Variants in AHCYL2 observed in about 807,000 individuals in gnomAD.
AHCYL2 encodes the protein adenosylhomocysteinase like 2.
In AHCYL2, 28 loss-of-function variants were observed where a neutral mutation model predicts 81.4. The ratio of observed to expected loss-of-function variants is 0.34; its 90% CI spans 0.25 to 0.47. The LOEUF (loss-of-function observed/expected upper bound fraction) is 0.47. Among genes scored for constraint, AHCYL2 ranks in the 20% least tolerant of loss-of-function variants. The pLI is 1.00. For synonymous variants in AHCYL2, 272 were observed against 290.2 expected (o/e 0.94, Z 0.64); for missense variants, 551 against 785.1 (o/e 0.70, Z 3.56).
chr7:129,380,956 G>A (rs1208676699), intron 2 of AHCYL2, among the ~76,000 whole-genome samples: 1 of 152,144 alleles, frequency 6.6e-6, no homozygotes, highest in Non-Finnish European at 1.5e-5. Context: ...GCCCAGGCTG[G>A]TCTTGAACTT....
intron 11 of AHCYL2, among the ~76,000 whole-genome samples, chr7:129,412,759 G>T (rs2150952013): frequency 6.6e-6 from 1 of 152,264 alleles, no homozygotes; most frequent in Middle Eastern, 3.4e-3. Context: ...TTTCCCTGAT[G>T]ACTAATGATG....
chr7:129,324,809 C>T (rs963555386), intron 1 of AHCYL2, among the ~76,000 whole-genome samples: 3 of 152,224 alleles, frequency 2.0e-5, no homozygotes, highest in African/African-American at 7.2e-5. Context: ...GCCACTGTGC[C>T]CGGCCTGGCT....
At chr7:129,235,478 A>G (rs1360542090) in intron 1 of AHCYL2, among the ~76,000 whole-genome samples, 1 of 152,110 alleles carries the variant, frequency 6.6e-6, no homozygotes. Flanking sequence ...GCTGGAGTGC[A>G]GTGGTACCAT....
intron 1 of AHCYL2, among the ~76,000 whole-genome samples, chr7:129,365,628 G>GTATATATATATATATGTATATA (rs1794083320): frequency 8.0e-6 from 1 of 124,320 alleles, no homozygotes; most frequent in East Asian, 2.5e-4. Flanking sequence ...GGAGGATAGA[G>GTATATATATATATATGTATATA]TATATATATA....
At chr7:129,337,803 G>C (rs777524273) in intron 1 of AHCYL2, among the ~76,000 whole-genome samples, 26 of 152,040 alleles carry the variant, frequency 1.7e-4, no homozygotes, top group Non-Finnish European at 3.1e-4. Flanking sequence ...GAGTGCAATG[G>C]CACAATCCTG....
chr7:129,425,496 C>A (rs1188234050), intron 15 of AHCYL2, among the ~76,000 whole-genome samples: 1 of 152,120 alleles, frequency 6.6e-6, no homozygotes, highest in Admixed American at 6.5e-5. Flanking sequence ...TACTCCAATT[C>A]TAGGCTGCCA....
chr7:129,411,682 C>T (rs950478913), intron 11 of AHCYL2, among the ~76,000 whole-genome samples: 1 of 150,934 alleles, frequency 6.6e-6, no homozygotes, highest in Non-Finnish European at 1.5e-5. Flanking sequence ...TTGCTTGAAC[C>T]TGGAAGGTGG....
At chr7:129,371,007 G>A (rs1024443084) in intron 1 of AHCYL2, among the ~76,000 whole-genome samples, 3 of 152,132 alleles carry the variant, frequency 2.0e-5, no homozygotes, top group East Asian at 3.9e-4. Flanking sequence ...TAGCCACTTA[G>A]CCAAGAAAGC....
chr7:129,410,664 A>G (rs958665213), intron 11 of AHCYL2, among the ~76,000 whole-genome samples: 2 of 152,268 alleles, frequency 1.3e-5, no homozygotes, highest in Non-Finnish European at 2.9e-5. Context: ...CTTCATAGTT[A>G]GAGAAAGTAG....
chr7:129,353,500 A>G (rs187952565), intron 1 of AHCYL2, among the ~76,000 whole-genome samples: 1 of 151,782 alleles, frequency 6.6e-6, no homozygotes, highest in Admixed American at 6.6e-5. Context: ...TTTATACCTT[A>G]TTTAGCCTCT....
At chr7:129,332,477 A>C (rs1428770269) in intron 1 of AHCYL2, among the ~76,000 whole-genome samples, 1 of 152,224 alleles carries the variant, frequency 6.6e-6, no homozygotes, top group Non-Finnish European at 1.5e-5. Context: ...GGCAGATGAA[A>C]TATGTTTAAA....
At chr7:129,310,094 A>G (rs1409532380) in intron 1 of AHCYL2, among the ~76,000 whole-genome samples, 1 of 152,096 alleles carries the variant, frequency 6.6e-6, no homozygotes, top group African/African-American at 2.4e-5. Flanking sequence ...TAAATATATG[A>G]TTCTTGATAC....
intron 1 of AHCYL2, among the ~76,000 whole-genome samples, chr7:129,229,312 C>T (rs1193348357): frequency 6.6e-6 from 1 of 152,194 alleles, no homozygotes; most frequent in African/African-American, 2.4e-5. Context: ...GGTGACCTGC[C>T]TGCCTCGGCC....
At chr7:129,346,380 T>C (rs545115618) in intron 1 of AHCYL2, among the ~76,000 whole-genome samples, 1 of 152,220 alleles carries the variant, frequency 6.6e-6, no homozygotes, top group East Asian at 1.9e-4. Flanking sequence ...AATATTTGCA[T>C]AAGACCTATA....
At chr7:129,279,630 C>T (rs1482059033) in intron 1 of AHCYL2, among the ~76,000 whole-genome samples, 1 of 152,144 alleles carries the variant, frequency 6.6e-6, no homozygotes, top group Non-Finnish European at 1.5e-5. Context: ...AGAATGGCTG[C>T]TTCATAAGCA....
Position 129,225,089 on chromosome 7 carries a change from G to A in AHCYL2, c.13G>A (p.Val5Ile), listed in dbSNP as rs1389700305. 1.9e-6 allele frequency: 3 copies of A among 1,595,806 alleles called. No individual in the cohort carries two copies. Among genetic ancestry groups the A allele is most frequent in the African/African-American group, 1.3e-5 (1 of 74,574 alleles). Residue 5 changes from valine to isoleucine, a missense_variant, in exon 1 of 17, where the codon GTT becomes ATT. Val to Ile is a conservative substitution (Grantham distance 29). This residue lies in a region of AHCYL2 where 235 missense variants were observed against 242.1 expected (regional missense o/e 0.97). Coordinates refer to ENST00000325006, the MANE Select transcript of AHCYL2 (RefSeq NM_015328.4). MSVQ[V>I]VSAAAAAKVP... The stretch of plus-strand genomic sequence containing the variant: ...AGCGGAGGCGGTGATGTCGGTGCAG[G>A]TTGTGTCAGCCGCGGCTGCCGCCAA...
chr7:129,328,111 TA>T (rs1284249312), intron 1 of AHCYL2, among the ~76,000 whole-genome samples: 2 of 152,158 alleles, frequency 1.3e-5, no homozygotes, highest in African/African-American at 4.8e-5. Flanking sequence ...AAAACTATTT[TA>T]AAAGTAATGG....
intron 11 of AHCYL2, among the ~76,000 whole-genome samples, chr7:129,411,929 CT>C (rs890424916): frequency 6.6e-6 from 1 of 152,110 alleles, no homozygotes; most frequent in African/African-American, 2.4e-5. Context: ...GTTGTTTTCA[CT>C]TTTTGGCTAT....
At chr7:129,342,564 G>T (rs1793221415) in intron 1 of AHCYL2, among the ~76,000 whole-genome samples, 1 of 152,264 alleles carries the variant, frequency 6.6e-6, no homozygotes, top group African/African-American at 2.4e-5. Context: ...TTTGTACCTT[G>T]AGGGACTTAA....
Sources: allele counts gnomAD v4.1 joint callset (sites outside exome capture counted in the v4.1 genomes callset), GRCh38; gene constraint gnomAD v4.1.1; regional missense constraint gnomAD v4.1.1; transcripts MANE v1.5; gene names NCBI Gene and HGNC (gene_info 2026-07-23, HGNC 2026-07-21).